Variants in UNC13D observed in about 807,000 individuals in gnomAD.
The protein encoded by UNC13D is protein unc-13 homolog D.
A neutral mutation model predicts 151.7 loss-of-function variants in UNC13D; 115 were observed. That is an observed-to-expected ratio of 0.76 (90% CI 0.65 to 0.88). The LOEUF (loss-of-function observed/expected upper bound fraction) is 0.88. Ranked by LOEUF, UNC13D falls within the 40% of genes least tolerant of loss-of-function variation. The pLI is 0.00. For synonymous variants in UNC13D, 588 were observed against 612.2 expected, an observed-to-expected ratio of 0.96 and a Z score of 0.58; for missense variants, 1,369 against 1,438.7, an observed-to-expected ratio of 0.95 and a Z score of 0.78.
rs753980375 is a variant in UNC13D, at chr17:75,835,070, G to A, written c.1849-7C>T. 7.4e-6 allele frequency: 12 copies of A among 1,613,684 alleles called. No homozygotes were observed. The East Asian group carries it at 1.1e-4, about 15-fold the overall frequency. ...GTTCACCCAGGGGCACCAGCTGGGG[G>A]AAGAAAGGAGGACTCAGGATACTGC... On this transcript the variant is annotated splice_region_variant and splice_polypyrimidine_tract_variant and intron_variant, in intron 20 of 31. Coordinates refer to ENST00000207549, the MANE Select transcript of UNC13D (RefSeq NM_199242.3).
rs1599415501 is a variant in UNC13D, at chr17:75,843,198, A to G, written c.222T>C (p.His74=). The stretch of plus-strand genomic sequence containing the variant: ...GCAGCAGCTCAGAGGCCTCCGTCAC[A>G]TGGTTGGGCTCAGGATGACCCAGGC... The part of the protein sequence containing the change: ...LHRLGHPEPN[H]VTEASELLRY... Residue 74 remains histidine, a synonymous_variant, in exon 3 of 32, where the codon CAT becomes CAC. Transcript: ENST00000207549. 1.2e-6 allele frequency: 2 copies of G among 1,612,032 alleles called. No individual in the cohort carries two copies. The highest frequency in any genetic ancestry group is 1.3e-5 in the African/African-American group (1 of 74,864).
At position 75,838,792 on chromosome 17, in the gene UNC13D, G is replaced by T. The variant is rs779496591; in HGVS notation, c.1055+1047C>A. On this transcript the variant is annotated intron_variant, in intron 12 of 31. Coordinates refer to ENST00000207549, the MANE Select transcript of UNC13D (RefSeq NM_199242.3). ...TGGGCAGAGGCACACACATCGCTCC[G>T]CTCTGTCCACTCAAAAAAGCAGCAA... Among the ~76,000 whole-genome samples, 4 of 152,120 alleles carry T rather than the reference G, an allele frequency of 2.6e-5. No individual in the cohort carries two copies. The East Asian group carries it at 7.7e-4, about 29-fold the overall frequency.
chr17:75,843,762 C>T, intron 1 of UNC13D: 1 of 1,418,690 alleles, frequency 7.0e-7, no homozygotes, highest in Non-Finnish European at 9.2e-7. Context: ...CCGCACCCCA[C>T]CTCCCTCCCT....
chr17:75,836,454 G>A (rs369622885), intron 14 of UNC13D, 25 bp from the exon 15 acceptor site: 22 of 1,611,770 alleles, frequency 1.4e-5, no homozygotes, highest in Non-Finnish European at 1.6e-5. Context: ...GAGCTGTGTC[G>A]AAAGTGCCTG....
At chr17:75,838,022 A>G (rs1389946522) in intron 12 of UNC13D, among the ~76,000 whole-genome samples, 1 of 152,018 alleles carries the variant, frequency 6.6e-6, no homozygotes, top group East Asian at 1.9e-4. Flanking sequence ...TCCAGTCTCC[A>G]GCCGCACCAC....
chr17:75,843,873 TG>T, intron 1 of UNC13D: 1 of 1,369,552 alleles, frequency 7.3e-7, no homozygotes, highest in Non-Finnish European at 9.4e-7. Flanking sequence ...CACGTCGGCC[TG>T]GGGGTCTGCT....
At chr17:75,835,107 C>T (rs1053424960) in intron 20 of UNC13D, 44 bp from the exon 21 acceptor site, 19 of 1,608,612 alleles carry the variant, frequency 1.2e-5, no homozygotes, top group Non-Finnish European at 1.6e-5. Context: ...AAATCCACCC[C>T]CTTCCCTCCT....
chr17:75,838,393 A>G (rs2064924034), intron 12 of UNC13D, among the ~76,000 whole-genome samples: 1 of 151,606 alleles, frequency 6.6e-6, no homozygotes, highest in Non-Finnish European at 1.5e-5. Context: ...TAATTTTTCT[A>G]TATTTTGTAG....
intron 12 of UNC13D, 68 bp downstream of exon 12, chr17:75,839,771 G>T: frequency 6.6e-7 from 1 of 1,523,370 alleles, no homozygotes; most frequent in Non-Finnish European, 9.1e-7. Flanking sequence ...TGGGCTACCG[G>T]CTTGGAGGAG....
At position 75,827,709 on chromosome 17, in the gene UNC13D, C is replaced by T; in HGVS notation, c.*256G>A. 6.6e-7 allele frequency: 1 copy of T among 1,517,146 alleles called. No individual in the cohort carries two copies. Among genetic ancestry groups the T allele is most frequent in the Non-Finnish European group, 8.8e-7 (1 of 1,134,478 alleles). 94.0% of individuals were successfully genotyped at this position (1,517,146 alleles called of 1,614,324 possible). ...GAGGCGGGCAGGGGCAGGGTTTGCTCCCCCTGGTGCTGGGATGTGGTAGAG... is the reference window on the plus strand; with the variant it reads ...GAGGCGGGCAGGGGCAGGGTTTGCTTCCCCTGGTGCTGGGATGTGGTAGAG... On this transcript the variant is annotated 3_prime_UTR_variant, in exon 32 of 32. Coordinates refer to ENST00000207549, the MANE Select transcript of UNC13D (RefSeq NM_199242.3).
chr17:75,842,446 C>T lies in UNC13D; in HGVS notation c.556G>A (p.Glu186Lys), dbSNP rs752768412. 9.3e-6 allele frequency: 15 copies of T among 1,612,466 alleles called. No individual in the cohort carries two copies. Among genetic ancestry groups the T allele is most frequent in the Middle Eastern group, 1.6e-4 (1 of 6,062 alleles). The change falls in exon 6 of 32, where the codon GAG (glutamate) becomes AAG (lysine). Residue 186 changes from glutamate (E) to lysine (K), a missense_variant. Glu to Lys is a moderately conservative substitution (Grantham distance 56). Coordinates refer to ENST00000207549, the MANE Select transcript of UNC13D (RefSeq NM_199242.3). ...ITQTLNPVWD[E>K]TFILEFEDIT... ...ACGGCCACGTACAGGATGAAGGTCT[C>T]GTCCCAGACGGGGTTGAGTGTCTGG...
rs2143881665 is a variant in UNC13D at position 75,836,389 on chromosome 17, G to A, written c.1339C>T (p.Leu447=). ...GGCAATGGGGCGGTGTTGGGGCACA[G>A]TTCTCCAAAGGCCTTCATCTTGCAC... ...QMCKMKAFGE[L]CPNTAPLPQL... is the part of the protein sequence containing the mutation. Residue 447 remains leucine (L), a synonymous_variant, in exon 15 of 32, where the codon CTG becomes TTG. Transcript: ENST00000207549. 6.2e-7 allele frequency: 1 copy of A among 1,613,818 alleles called. No homozygotes were observed. The highest frequency in any genetic ancestry group is 2.2e-5 in the East Asian group (1 of 44,882).
At position 75,831,263 on chromosome 17, in the gene UNC13D, T is replaced by C; in HGVS notation, c.2533A>G (p.Arg845Gly). 1 of 1,614,102 alleles carries C rather than the reference T, an allele frequency of 6.2e-7. No homozygotes were observed. Among genetic ancestry groups the C allele is most frequent in the South Asian group, 1.1e-5 (1 of 91,082 alleles). The change falls in exon 26 of 32, where the codon AGG becomes GGG. Residue 845 changes from arginine to glycine, a missense_variant. Physicochemically the swap from Arg to Gly is moderately radical, Grantham distance 125. Transcript: ENST00000207549. ...SQRSSSLASN[R>G]LKIALQNLEI... Reference sequence around the variant, plus strand: ...GTTACCTGCAGGGCAATCTTCAGCCTGTTGGAAGCCAGGGATGAGCTGCGC... The same window carrying C: ...GTTACCTGCAGGGCAATCTTCAGCCCGTTGGAAGCCAGGGATGAGCTGCGC...
rs140894794 is a variant in UNC13D, at chr17:75,840,867, G to C, written c.615-37C>G. 5.0e-6 allele frequency: 8 copies of C among 1,613,906 alleles called. No homozygotes were observed. In the South Asian group the frequency reaches 7.7e-5, roughly 16 times the overall value. ...GAGGTTTGAGAAGGAAGCAGAGAGA[G>C]TGCCTACGACCTCTTCCAGGAGGAG... On this transcript the variant is annotated intron_variant, in intron 7 of 31. Transcript: ENST00000207549. This position sits in a 1 kb window ranked among gnomAD's most constrained non-coding sequence, Gnocchi z 4.6.
chr17:75,828,799 G>T lies in UNC13D; in HGVS notation c.3139C>A (p.Pro1047Thr). The T allele has an allele frequency of 6.5e-7, 1 of 1,548,998 alleles. No individual in the cohort carries two copies. Among genetic ancestry groups the T allele is most frequent in the Non-Finnish European group, 8.7e-7 (1 of 1,148,464 alleles). Residue 1047 changes from proline (P) to threonine (T), a missense_variant, in exon 31 of 32, where the codon CCC becomes ACC. Around this residue, in one of 3 missense-constraint regions of UNC13D, gnomAD observed 807 missense variants for 795.5 expected, o/e 1.01. Coordinates refer to ENST00000207549, the MANE Select transcript of UNC13D (RefSeq NM_199242.3). ...GGCTCAGGCCTACCGTTGGGTGCGG[G>T]GTACGTGAGGGGCAGGCGGGTCTGA... is the stretch of plus-strand genomic sequence containing the variant. ...VPQTRLPLTYPAPNGDPILQL... is the reference protein window; with the variant it reads ...VPQTRLPLTYTAPNGDPILQL...
rs1599407289 is a variant in UNC13D, at chr17:75,834,731, G to A, written c.1993-15C>T. ...CGACAGGTGTCCTAGGGTGGGGTTG[G>A]ACAGAGGGAACTGATCCATGGGTGG... On this transcript the variant is annotated splice_polypyrimidine_tract_variant and intron_variant, in intron 21 of 31. Coordinates refer to ENST00000207549, the MANE Select transcript of UNC13D (RefSeq NM_199242.3). 1 of 1,613,302 alleles carries A rather than the reference G, an allele frequency of 6.2e-7. No homozygotes were observed. Among genetic ancestry groups the A allele is most frequent in the East Asian group, 2.2e-5 (1 of 44,880 alleles).
chr17:75,838,883 G>A (rs1169263667), intron 12 of UNC13D, among the ~76,000 whole-genome samples: 1 of 152,010 alleles, frequency 6.6e-6, no homozygotes, highest in Non-Finnish European at 1.5e-5. Context: ...GGCGGATCAT[G>A]AGGTCAGGAG....
rs2064910519 is a variant in UNC13D, at chr17:75,836,581, G to C, written c.1289C>G (p.Ser430Cys). Residue 430 changes from serine (S) to cysteine (C), a missense_variant, in exon 14 of 32, where the codon TCT becomes TGT. This residue lies in a region of UNC13D where 550 missense variants were observed against 609.0 expected (regional missense o/e 0.90). Transcript: ENST00000207549. ...GAAGGCAGCCACTGACCTGAGAAGAGACTGCAGCCGGGCTGGGGAGTCCGA... is the reference window on the plus strand; with the variant it reads ...GAAGGCAGCCACTGACCTGAGAAGACACTGCAGCCGGGCTGGGGAGTCCGA... Reference protein sequence around the residue: ...SVSDSPARLQSLLRVLVQMCK... With the variant: ...SVSDSPARLQCLLRVLVQMCK... The C allele has an allele frequency of 1.9e-6, 3 of 1,613,712 alleles. No homozygotes were observed. In the South Asian group the frequency reaches 3.3e-5, roughly 18 times the overall value.
chr17:75,838,760 G>A (rs931719644), intron 12 of UNC13D, among the ~76,000 whole-genome samples: 1 of 152,224 alleles, frequency 6.6e-6, no homozygotes, highest in African/African-American at 2.4e-5. Context: ...CCCAATGGCA[G>A]CCATGATGGG....
Sources: allele counts gnomAD v4.1 joint callset (sites outside exome capture counted in the v4.1 genomes callset), GRCh38; gene constraint gnomAD v4.1.1; regional missense constraint gnomAD v4.1.1; non-coding constraint Gnocchi (gnomAD v3.1); transcripts MANE v1.5; gene names NCBI Gene and HGNC (gene_info 2026-07-23, HGNC 2026-07-21).